The following CA1 variants were observed in gnomAD, a reference collection of about 807,000 sequenced individuals.
CA1 encodes the protein carbonic anhydrase 1, also known as carbonate dehydratase I.
In CA1, 27 loss-of-function variants were observed where a neutral mutation model predicts 28.8. The observed-to-expected ratio is 0.94, with a 90% CI of 0.69 to 1.29. CA1 has a LOEUF of 1.29. Ranked by LOEUF, CA1 falls within the 50% of genes most tolerant of loss-of-function variation. The pLI is 0.00. For synonymous variants in CA1, 121 were observed against 108.8 expected (o/e 1.11, Z -0.70); for missense variants, 335 against 310.5 (o/e 1.08, Z -0.59).
chr8:85,338,970 T>C (rs1386233777), intron 2 of CA1, among the ~76,000 whole-genome samples: 1 of 151,860 alleles, frequency 6.6e-6, no homozygotes. Flanking sequence ...CCTGCCTTGG[T>C]CTCCCAAAGT....
chr8:85,355,199 G>A (rs1389414752), intron 1 of CA1, among the ~76,000 whole-genome samples: 2 of 152,034 alleles, frequency 1.3e-5, no homozygotes, highest in African/African-American at 4.8e-5. Context: ...AGCCAGTCAG[G>A]GCACTGAGAT....
chr8:85,372,169 C>T (rs1000051385), intron 1 of CA1, among the ~76,000 whole-genome samples: 3 of 152,010 alleles, frequency 2.0e-5, no homozygotes, highest in African/African-American at 7.2e-5. Context: ...GACGATGGAC[C>T]ATATGCCATG....
At chr8:85,333,686 T>C (rs542318240) in intron 4 of CA1, 66 bp from the exon 5 acceptor site, 1 of 1,015,930 alleles carries the variant, frequency 9.8e-7, no homozygotes, top group African/African-American at 1.6e-5. Flanking sequence ...AAGTTATAAG[T>C]TAACTTGTTA....
chr8:85,327,705 A>G lies in CA1; in HGVS notation c.*855T>C, dbSNP rs1245730801. 6.6e-6 allele frequency: 1 copy of G among 152,172 alleles called. No homozygotes were observed. The highest frequency in any genetic ancestry group is 1.5e-5 in the Non-Finnish European group (1 of 68,028). 9.4% of individuals were successfully genotyped at this position (152,172 alleles called of 1,614,324 possible). Reference sequence around the variant, plus strand: ...ACACTATACTCCATAAACATGTACAATTATTGTGTGTCAATTAAAGATAAA... The same window carrying G: ...ACACTATACTCCATAAACATGTACAGTTATTGTGTGTCAATTAAAGATAAA... On this transcript the variant is annotated 3_prime_UTR_variant, in exon 8 of 8. Transcript: ENST00000523022.
intron 1 of CA1, among the ~76,000 whole-genome samples, chr8:85,375,734 G>C (rs1172573598): frequency 1.3e-5 from 2 of 152,150 alleles, no homozygotes; most frequent in Non-Finnish European, 2.9e-5. Flanking sequence ...GACTCAGGCA[G>C]AACAACTGTA....
chr8:85,339,217 C>T lies in CA1; in HGVS notation c.38-768G>A, dbSNP rs1364667461. On this transcript the variant is annotated intron_variant, in intron 2 of 7. Transcript: ENST00000523022. ...TTACAAACTGAAGATTTGTAGCAAC[C>T]TTGCATCAAGCAAGCTTATTAGGGG... 3.3e-5 allele frequency among the ~76,000 whole-genome samples: 5 copies of T among 152,092 alleles called. No homozygotes were observed. The East Asian group carries it at 7.7e-4, about 23-fold the overall frequency.
intron 1 of CA1, among the ~76,000 whole-genome samples, chr8:85,375,135 C>T (rs930166910): frequency 2.6e-5 from 4 of 152,168 alleles, no homozygotes; most frequent in African/African-American, 9.6e-5. Flanking sequence ...ACAGCTTAAG[C>T]ATCATTATTT....
intron 1 of CA1, among the ~76,000 whole-genome samples, chr8:85,375,339 A>G (rs1810370118): frequency 6.6e-6 from 1 of 152,128 alleles, no homozygotes; most frequent in Non-Finnish European, 1.5e-5. Flanking sequence ...GGAAGAACTC[A>G]CCTATCGCAT....
chr8:85,371,355 T>G (rs555433625), intron 1 of CA1, among the ~76,000 whole-genome samples: 19 of 152,282 alleles, frequency 1.2e-4, no homozygotes, highest in African/African-American at 4.6e-4. Flanking sequence ...ATGCATTCCT[T>G]TGAAATTATG....
intron 4 of CA1, among the ~76,000 whole-genome samples, chr8:85,334,628 C>T (rs1808566612): frequency 6.6e-6 from 1 of 150,648 alleles, no homozygotes; most frequent in African/African-American, 2.4e-5. Context: ...CCCTTCCTTC[C>T]TTCCTCCCTC....
chr8:85,330,131 A>C (rs1808341774), intron 6 of CA1, among the ~76,000 whole-genome samples: 1 of 152,136 alleles, frequency 6.6e-6, no homozygotes, highest in Admixed American at 6.6e-5. Context: ...TCTTTTTTAC[A>C]ATCTATATCT....
intron 4 of CA1, 123 bp from the exon 5 acceptor site, chr8:85,333,743 C>A (rs1808513197): frequency 1.5e-6 from 1 of 673,838 alleles, no homozygotes; most frequent in South Asian, 1.5e-5. Context: ...CTTATGTGAA[C>A]CTTTATCCAG....
intron 1 of CA1, among the ~76,000 whole-genome samples, chr8:85,359,488 C>T (rs540255020): frequency 1.3e-5 from 2 of 152,146 alleles, no homozygotes; most frequent in East Asian, 1.9e-4. Flanking sequence ...GAATTGCTAA[C>T]GAATGAAAAA....
At chr8:85,334,112 G>C (rs1179352946) in intron 4 of CA1, among the ~76,000 whole-genome samples, 1 of 152,142 alleles carries the variant, frequency 6.6e-6, no homozygotes, top group Non-Finnish European at 1.5e-5. Context: ...GCAAACTCTA[G>C]ATTTGTACAT....
intron 1 of CA1, among the ~76,000 whole-genome samples, chr8:85,359,924 A>G (rs762969011): frequency 5.9e-5 from 9 of 152,332 alleles, no homozygotes; most frequent in Middle Eastern, 6.8e-3. Context: ...CAATAAGGAG[A>G]CTAAATTCCT....
chr8:85,358,564 C>T (rs1190555311), intron 1 of CA1, among the ~76,000 whole-genome samples: 1 of 151,982 alleles, frequency 6.6e-6, no homozygotes, highest in Non-Finnish European at 1.5e-5. Flanking sequence ...AAAAAGAGCC[C>T]GATGCATTCT....
chr8:85,336,961 A>G lies in CA1; in HGVS notation c.338T>C (p.Val113Ala). 1 of 1,599,998 alleles carries G rather than the reference A, an allele frequency of 6.3e-7. No individual in the cohort carries two copies. The highest frequency in any genetic ancestry group is 8.6e-7 in the Non-Finnish European group (1 of 1,167,530). The change falls in exon 4 of 8, where the codon GTC becomes GCC. Residue 113 changes from valine to alanine, a missense_variant. Physicochemically the swap from Val to Ala is moderately conservative, Grantham distance 64. Coordinates refer to ENST00000523022, the MANE Select transcript of CA1 (RefSeq NM_001128831.4). ...EHGSEHTVDG[V>A]KYSAELHVAH... Reference sequence around the variant, plus strand: ...TTACATTACCTCGGCAGAATATTTGACTCCATCCACTGTATGTTCTGAACC... The same window carrying G: ...TTACATTACCTCGGCAGAATATTTGGCTCCATCCACTGTATGTTCTGAACC...
intron 1 of CA1, among the ~76,000 whole-genome samples, chr8:85,359,827 T>G (rs1339625641): frequency 6.6e-6 from 1 of 152,220 alleles, no homozygotes; most frequent in Non-Finnish European, 1.5e-5. Context: ...TGCACTGGCC[T>G]CTTTGATATA....
At position 85,357,335 on chromosome 8, in the gene CA1, A is replaced by G. The variant is rs1333928258; in HGVS notation, c.-24-15676T>C. ...AAGATCATCAGATCCAGACTCAAGT[A>G]GGCCTGAACACCTGATCTACCTTTT... On this transcript the variant is annotated intron_variant, in intron 1 of 7. Coordinates refer to ENST00000523022, the MANE Select transcript of CA1 (RefSeq NM_001128831.4). Among the ~76,000 whole-genome samples the G allele has an allele frequency of 2.6e-5, 4 of 152,218 alleles. No individual in the cohort carries two copies. In the East Asian group the frequency reaches 7.7e-4, roughly 29 times the overall value.
Sources: gnomAD v4.1 joint callset for allele counts (sites outside exome capture counted in the v4.1 genomes callset) on GRCh38, gnomAD v4.1.1 for gene constraint, MANE v1.5 for transcripts, NCBI Gene and HGNC (gene_info 2026-07-23, HGNC 2026-07-21) for gene names.